Variants in EBPL observed in about 807,000 individuals in gnomAD.
EBPL encodes the protein EBP like, also known as emopamil-binding protein-like.
A neutral mutation model predicts 19.0 loss-of-function variants in EBPL; 20 were observed. The ratio of observed to expected loss-of-function variants is 1.05; its 90% CI spans 0.74 to 1.53. EBPL has a LOEUF of 1.53. Ranked by LOEUF, EBPL falls within the 40% of genes most tolerant of loss-of-function variation. The pLI, the probability that EBPL is intolerant of heterozygous loss-of-function variation, is 0.00. For synonymous variants in EBPL, 107 were observed against 117.0 expected, an observed-to-expected ratio of 0.91 and a Z score of 0.55; for missense variants, 219 against 261.1, an observed-to-expected ratio of 0.84 and a Z score of 1.11.
In EBPL at chr13:49,685,503, A is replaced by C. The variant is rs148058801; in HGVS notation, c.171+5751T>G. ...TCCCCATTGAAAAACAGGCTATAGA[A>C]GGAGGATCCCAAGATCTACGCCCCA... On this transcript the variant is annotated intron_variant, in intron 1 of 3. Transcript: ENST00000242827. 4.5e-3 allele frequency among the ~76,000 whole-genome samples: 689 copies of C among 152,252 alleles called. 1 individual carries two copies. The highest frequency in any genetic ancestry group is 0.015 in the African/African-American group (617 of 41,520).
At chr13:49,687,966 G>A (rs944721834) in intron 1 of EBPL, among the ~76,000 whole-genome samples, 1 of 152,158 alleles carries the variant, frequency 6.6e-6, no homozygotes, top group Non-Finnish European at 1.5e-5. Flanking sequence ...ATTCTTACCT[G>A]TCACCTTTCC....
At chr13:49,668,832 C>A (rs73192666) in intron 2 of EBPL, among the ~76,000 whole-genome samples, 2,323 of 151,770 alleles carry the variant, frequency 0.015, 92 homozygotes, top group Admixed American at 0.09. Flanking sequence ...TATGGGAAAA[C>A]CACCCAGTTT....
chr13:49,675,088 G>A lies in EBPL; in HGVS notation c.172-5242C>T, dbSNP rs187461232. On this transcript the variant is annotated intron_variant, in intron 1 of 3. Transcript: ENST00000242827. ...CAGTCATGCTAAGCCTCACAACGGT[G>A]ATACGCTCTGAGAAATGCATCATTA... 1.8e-4 allele frequency among the ~76,000 whole-genome samples: 28 copies of A among 152,344 alleles called. No individual in the cohort carries two copies. The East Asian group carries it at 2.3e-3, about 13-fold the overall frequency.
chr13:49,683,845 G>C (rs1298266828), intron 1 of EBPL, among the ~76,000 whole-genome samples: 1 of 151,792 alleles, frequency 6.6e-6, no homozygotes, highest in Non-Finnish European at 1.5e-5. Context: ...CTCGGCCTAG[G>C]AGAAAGAAAA....
chr13:49,675,988 A>G (rs1953871820), intron 1 of EBPL, among the ~76,000 whole-genome samples: 1 of 151,642 alleles, frequency 6.6e-6, no homozygotes, highest in Admixed American at 6.6e-5. Flanking sequence ...ACATATTTTC[A>G]TGTACATATT....
chr13:49,691,249 C>A lies in EBPL; in HGVS notation c.171+5G>T. 1 of 1,383,428 alleles carries A rather than the reference C, an allele frequency of 7.2e-7. No individual in the cohort carries two copies. Among genetic ancestry groups the A allele is most frequent in the South Asian group, 2.0e-5 (1 of 50,458 alleles). 85.7% of individuals were successfully genotyped at this position (1,383,428 alleles called of 1,614,324 possible). On this transcript the variant is annotated splice_donor_5th_base_variant and intron_variant, in intron 1 of 3. Coordinates refer to ENST00000242827, the MANE Select transcript of EBPL (RefSeq NM_032565.5). ...GGAGTGCAGGGTCTAGGCGATGGCA[C>A]TTACCAGCGCGAAGTGCACCAGCGC...
intron 3 of EBPL, among the ~76,000 whole-genome samples, chr13:49,662,558 T>A (rs1965166132): frequency 6.6e-6 from 1 of 152,208 alleles, no homozygotes; most frequent in South Asian, 2.1e-4. Flanking sequence ...ATATTTCTCA[T>A]ATTTTTGATT....
chr13:49,670,382 TGCAATTACA>T (rs1953798671), intron 1 of EBPL, among the ~76,000 whole-genome samples: 1 of 152,240 alleles, frequency 6.6e-6, no homozygotes. Context: ...ATAAAATATC[TGCAATTACA>T]GTTAGTATTT....
intron 1 of EBPL, among the ~76,000 whole-genome samples, chr13:49,678,700 C>T (rs1263974852): frequency 6.6e-6 from 1 of 152,064 alleles, no homozygotes; most frequent in Non-Finnish European, 1.5e-5. Context: ...GCCGCTCTGG[C>T]CGCGGCCAGC....
chr13:49,691,273 G>A lies in EBPL; in HGVS notation c.152C>T (p.Ala51Val), dbSNP rs1379569089. The change falls in exon 1 of 4, where the codon GCG becomes GTG. Residue 51 changes from alanine (A) to valine (V), a missense_variant. This residue lies in a region of EBPL where 170 missense variants were observed against 167.0 expected (regional missense o/e 1.02). Transcript: ENST00000242827. The part of the protein sequence containing the change: ...RGALIWLCYD[A>V]LVHFALEGPF... ...ACTTACCAGCGCGAAGTGCACCAGC[G>A]CGTCGTAGCAGAGCCAGATGAGCGC... The A allele has an allele frequency of 2.1e-6, 3 of 1,403,910 alleles. No homozygotes were observed. The East Asian group carries it at 8.7e-5, about 41-fold the overall frequency. 87.0% of individuals were successfully genotyped at this position (1,403,910 alleles called of 1,614,324 possible).
At chr13:49,686,444 C>A (rs1455626117) in intron 1 of EBPL, 1 of 1,279,948 alleles carries the variant, frequency 7.8e-7, no homozygotes, top group Non-Finnish European at 1.0e-6. Flanking sequence ...CCCACTCTCA[C>A]CATTGACTTC....
chr13:49,686,866 T>G (rs1954004437), intron 1 of EBPL, among the ~76,000 whole-genome samples: 1 of 152,098 alleles, frequency 6.6e-6, no homozygotes, highest in South Asian at 2.1e-4. Flanking sequence ...CGTAATCATA[T>G]CTCACTGCAG....
chr13:49,690,277 A>G (rs1369341148), intron 1 of EBPL, among the ~76,000 whole-genome samples: 1 of 152,074 alleles, frequency 6.6e-6, no homozygotes, highest in Non-Finnish European at 1.5e-5. Context: ...TTCCAGCAAC[A>G]TCAGTCATGG....
chr13:49,662,035 C>A (rs1965158040), intron 3 of EBPL: 10 of 1,076,906 alleles, frequency 9.3e-6, no homozygotes, highest in South Asian at 1.3e-5. Context: ...GCTCTGTCAC[C>A]TAGGCTGGAG....
intron 1 of EBPL, among the ~76,000 whole-genome samples, chr13:49,678,546 G>C (rs1207756371): frequency 6.6e-6 from 1 of 152,180 alleles, no homozygotes; most frequent in Non-Finnish European, 1.5e-5. Context: ...CACAGCTGCT[G>C]GCCCGGGTGC....
At chr13:49,664,010 G>A (rs1224108976) in intron 2 of EBPL, among the ~76,000 whole-genome samples, 1 of 152,154 alleles carries the variant, frequency 6.6e-6, no homozygotes, top group Non-Finnish European at 1.5e-5. Flanking sequence ...CCAGCACTTT[G>A]GGAGGCCAAG....
At chr13:49,676,601 AAAATAAATAAAT>A (rs3990329) in intron 1 of EBPL, among the ~76,000 whole-genome samples, 45 of 148,834 alleles carry the variant, frequency 3.0e-4, no homozygotes, top group Admixed American at 1.0e-3. Flanking sequence ...CAAAAAAAAT[AAAATAAATAAAT>A]AAATAAATAA....
chr13:49,680,689 G>A (rs1254370367), intron 1 of EBPL, among the ~76,000 whole-genome samples: 1 of 152,158 alleles, frequency 6.6e-6, no homozygotes, highest in Non-Finnish European at 1.5e-5. Context: ...GCGCGTGGTG[G>A]CACGCGACTG....
At chr13:49,661,968 CTCTGAG>C (rs1965156771) in intron 3 of EBPL, 1 of 1,486,934 alleles carries the variant, frequency 6.7e-7, no homozygotes, top group South Asian at 1.2e-5. Context: ...AGTTTATAGT[CTCTGAG>C]TCTGATAGGA....
Sources: allele counts gnomAD v4.1 joint callset (sites outside exome capture counted in the v4.1 genomes callset), GRCh38; gene constraint gnomAD v4.1.1; regional missense constraint gnomAD v4.1.1; transcripts MANE v1.5; gene names NCBI Gene and HGNC (gene_info 2026-07-23, HGNC 2026-07-21).